CEP295: variants seen among roughly 807,000 people sequenced by gnomAD.
The protein encoded by CEP295 is centrosomal protein of 295 kDa.
In CEP295, 190 loss-of-function variants were observed where a neutral mutation model predicts 291.6. The observed-to-expected ratio is 0.65, with a 90% CI of 0.58 to 0.73. The LOEUF is 0.73. Among genes scored for constraint, CEP295 ranks in the 30% least tolerant of loss-of-function variants. The probability of loss-of-function intolerance (pLI) is 0.00; values close to 1 mark genes in which losing one functional copy is unlikely to be tolerated. For missense variants in CEP295, 2,863 were observed against 2,949.4 expected (o/e 0.97, Z 0.68); for synonymous variants, 993 against 1,038.8 (o/e 0.96, Z 0.85).
At position 93,729,896 on chromosome 11, in the gene CEP295, G is replaced by A. The variant is rs1032693241; in HGVS notation, c.7594G>A (p.Val2532Met). The A allele has an allele frequency of 9.7e-6, 15 of 1,549,822 alleles. No individual in the cohort carries two copies. Among genetic ancestry groups the A allele is most frequent in the East Asian group, 4.9e-5 (2 of 40,896 alleles). The stretch of plus-strand genomic sequence containing the variant: ...TTCATCTGTGAGTCGTCTAAAGGGC[G>A]TGAATAAAGTCAGAGCATCTTTTCC... ...ISSSVSRLKG[V>M]NKVRASFPED... The change falls in exon 28 of 30, where the codon GTG (valine) becomes ATG (methionine). Residue 2532 changes from valine (V) to methionine (M), a missense_variant. Physicochemically the swap from Val to Met is conservative, Grantham distance 21 (BLOSUM62 1). This residue lies in a region of CEP295 where 2,295 missense variants were observed against 2,335.7 expected (regional missense o/e 0.98). Transcript: ENST00000325212.
chr11:93,684,264 G>T, intron 9 of CEP295, 136 bp downstream of exon 9: 1 of 638,270 alleles, frequency 1.6e-6, no homozygotes, highest in Non-Finnish European at 2.6e-6. Flanking sequence ...GTAGCTAAAG[G>T]ATACAACGTT....
intron 5 of CEP295, among the ~76,000 whole-genome samples, chr11:93,672,809 G>A (rs1950514180): frequency 7.4e-6 from 1 of 134,448 alleles, no homozygotes; most frequent in Non-Finnish European, 1.6e-5. Context: ...AAAAACTTAG[G>A]TGCAATTCAC....
At chr11:93,707,695 G>A (rs1591098271) in intron 18 of CEP295, among the ~76,000 whole-genome samples, 1 of 151,888 alleles carries the variant, frequency 6.6e-6, no homozygotes, top group East Asian at 1.9e-4. Flanking sequence ...CTTGCAGTGA[G>A]CCGAGATCAA....
rs1048439804 is a variant in CEP295 at position 93,730,101 on chromosome 11, C to A, written c.7720C>A (p.Gln2574Lys). ...ACAACAAAAGGAAGAAAAAACAAAA[C>A]AAGAAGCTTATGCCCAAAACAGAGC... ...VKQQKEEKTK[Q>K]EAYAQNRARA... Residue 2574 changes from glutamine (Q) to lysine (K), a missense_variant, in exon 29 of 30, where the codon CAA (glutamine) becomes AAA (lysine). Physicochemically the swap from Gln to Lys is moderately conservative, Grantham distance 53 (BLOSUM62 1). Coordinates refer to ENST00000325212, the MANE Select transcript of CEP295 (RefSeq NM_033395.2). 6.5e-7 allele frequency: 1 copy of A among 1,549,678 alleles called. No homozygotes were observed. Among genetic ancestry groups the A allele is most frequent in the Non-Finnish European group, 8.7e-7 (1 of 1,146,506 alleles).
At chr11:93,690,318 AG>A in intron 10 of CEP295, among the ~76,000 whole-genome samples, 1 of 152,146 alleles carries the variant, frequency 6.6e-6, no homozygotes, top group Non-Finnish European at 1.5e-5. Context: ...ACACTTTGGG[AG>A]GCCGGGGCAG....
chr11:93,724,107 A>G, intron 21 of CEP295, 147 bp from the exon 22 acceptor site: 1 of 691,024 alleles, frequency 1.4e-6, no homozygotes, highest in Non-Finnish European at 2.3e-6. Flanking sequence ...TCATGGGGGA[A>G]AAACTGAAGT....
intron 5 of CEP295, among the ~76,000 whole-genome samples, chr11:93,674,670 G>A (rs1327242992): frequency 6.6e-6 from 1 of 151,640 alleles, no homozygotes; most frequent in Non-Finnish European, 1.5e-5. Context: ...AAAAGTTGAG[G>A]GACTTTGCTA....
At chr11:93,673,386 A>G (rs941151950) in intron 5 of CEP295, among the ~76,000 whole-genome samples, 2 of 152,338 alleles carry the variant, frequency 1.3e-5, no homozygotes, top group South Asian at 2.1e-4. Flanking sequence ...AAGGTCCTCT[A>G]TTGTACATAT....
Position 93,722,066 on chromosome 11 carries a change from T to C in CEP295, c.5947+16T>C. On this transcript the variant is annotated intron_variant, in intron 20 of 29. Transcript: ENST00000325212. ...ACAGATCCAGGTAATAAGGTCAAAA[T>C]GTTTATAAATAAGTTGAAAGACCGG... The C allele has an allele frequency of 1.4e-6, 2 of 1,454,504 alleles. No individual in the cohort carries two copies. The highest frequency in any genetic ancestry group is 1.9e-6 in the Non-Finnish European group (2 of 1,059,188). The allele number at this position is 1,454,504 out of a possible 1,614,324, so 90.1% of individuals were successfully genotyped here. A position where few individuals can be genotyped will look rare whatever the true frequency, so the allele number is the denominator to read the frequency against.
In CEP295 at chr11:93,698,654, CA is replaced by C. The variant is rs1389769876; in HGVS notation, c.3744del (p.Gln1248HisfsTer17). 2 of 1,550,694 alleles carry C rather than the reference CA, an allele frequency of 1.3e-6. No homozygotes were observed. Among genetic ancestry groups the C allele is most frequent in the African/African-American group, 2.7e-5 (2 of 73,046 alleles). On this transcript the variant is annotated frameshift_variant, in exon 15 of 30. Coordinates refer to ENST00000325212, the MANE Select transcript of CEP295 (RefSeq NM_033395.2). LOFTEE classifies it high-confidence loss of function. ...RCQERLLRVS[Q>X]HMLPLQDNLE... The stretch of plus-strand genomic sequence containing the variant: ...TCAGGAAAGACTTTTGAGAGTTTCA[CA>C]ACATATGCTACCTCTACAAGATAAT...
At chr11:93,694,420 A>C (rs1033733945) in intron 12 of CEP295, among the ~76,000 whole-genome samples, 1 of 152,196 alleles carries the variant, frequency 6.6e-6, no homozygotes, top group East Asian at 1.9e-4. Flanking sequence ...TACTTTTACC[A>C]TAGATCTTAG....
chr11:93,703,958 A>G (rs1184419351), intron 17 of CEP295, among the ~76,000 whole-genome samples: 1 of 151,740 alleles, frequency 6.6e-6, no homozygotes, highest in Non-Finnish European at 1.5e-5. Flanking sequence ...TTTAGTAGAG[A>G]CGGGATTTCA....
rs117493937 is a variant in CEP295 at position 93,727,695 on chromosome 11, T to G, written c.7161+58T>G. The G allele has an allele frequency of 3.7e-6, 5 of 1,361,186 alleles. No homozygotes were observed. In the African/African-American group the frequency reaches 7.4e-5, roughly 20 times the overall value. 84.3% of individuals were successfully genotyped at this position (1,361,186 alleles called of 1,614,324 possible). On this transcript the variant is annotated intron_variant, in intron 24 of 29. Transcript: ENST00000325212. ...TAAATTCCTTTTTGGGAAAAAACTT[T>G]TTTCTTCTAAAATTAGAGATGAAGT... is the stretch of plus-strand genomic sequence containing the variant.
intron 6 of CEP295, among the ~76,000 whole-genome samples, chr11:93,677,969 A>T (rs1273752151): frequency 2.6e-5 from 4 of 152,186 alleles, no homozygotes; most frequent in Non-Finnish European, 5.9e-5. Flanking sequence ...TGTATTATAA[A>T]TCTTGTTTTG....
chr11:93,691,850 A>G (rs1951569709), intron 11 of CEP295, 75 bp downstream of exon 11: 14 of 1,282,114 alleles, frequency 1.1e-5, no homozygotes, highest in Middle Eastern at 1.8e-4. Flanking sequence ...TACATGTGAT[A>G]TATTAAGAAA....
intron 9 of CEP295, among the ~76,000 whole-genome samples, chr11:93,685,605 T>A (rs970136011): frequency 1.3e-5 from 2 of 152,230 alleles, no homozygotes; most frequent in African/African-American, 2.4e-5. Context: ...CAGAAGATGG[T>A]TTCAGGGCTG....
In CEP295 at chr11:93,697,665, A is replaced by G; in HGVS notation, c.2753A>G (p.Asn918Ser). ...ATCCAGGAATCTTCACCAACCAAGA[A>G]TAATATTGCAGTTTCCTCAGACCAT... ...GRIQESSPTKNNIAVSSDHHV... is the reference protein window; with the variant it reads ...GRIQESSPTKSNIAVSSDHHV... Residue 918 changes from asparagine to serine, a missense_variant, in exon 15 of 30, where the codon AAT (asparagine) becomes AGT (serine). Transcript: ENST00000325212. 6.4e-7 allele frequency: 1 copy of G among 1,551,894 alleles called. No homozygotes were observed. Among genetic ancestry groups the G allele is most frequent in the Non-Finnish European group, 8.7e-7 (1 of 1,147,044 alleles).
chr11:93,675,309 T>G (rs952715825), intron 5 of CEP295, among the ~76,000 whole-genome samples: 65 of 152,206 alleles, frequency 4.3e-4, no homozygotes, highest in African/African-American at 1.5e-3. Context: ...AATTTCTCTA[T>G]AAATAACTTA....
intron 5 of CEP295, among the ~76,000 whole-genome samples, chr11:93,672,525 C>T (rs1013927339): frequency 6.6e-5 from 10 of 152,098 alleles, no homozygotes; most frequent in African/African-American, 2.4e-4. Context: ...CAGGCTAAAG[C>T]AATCCTCCTG....
Sources: gnomAD v4.1 joint callset for allele counts (sites outside exome capture counted in the v4.1 genomes callset) on GRCh38, gnomAD v4.1.1 for gene constraint, gnomAD v4.1.1 regional missense constraint, MANE v1.5 for transcripts, NCBI Gene and HGNC (gene_info 2026-07-23, HGNC 2026-07-21) for gene names.